KALRN: variants seen among roughly 807,000 people sequenced by gnomAD.
KALRN encodes kalirin RhoGEF kinase.
In KALRN, 70 loss-of-function variants were observed where a neutral mutation model predicts 353.7. The ratio of observed to expected loss-of-function variants is 0.20; its 90% CI spans 0.16 to 0.24. The LOEUF (loss-of-function observed/expected upper bound fraction) is 0.24. KALRN is among the 10% of genes least tolerant of loss of function. The probability of loss-of-function intolerance (pLI) is 1.00; values close to 1 mark genes in which losing one functional copy is unlikely to be tolerated. For synonymous variants in KALRN, 1,391 were observed against 1,434.8 expected (o/e 0.97, Z 0.69); for missense variants, 2,791 against 3,756.7 (o/e 0.74, Z 6.72).
intron 1 of KALRN, among the ~76,000 whole-genome samples, chr3:124,061,662 C>T (rs1307451765): frequency 1.3e-5 from 2 of 152,152 alleles, no homozygotes; most frequent in African/African-American, 4.8e-5. Context: ...TATGTGGCTA[C>T]ATCATTTTAA....
At chr3:124,276,455 C>T (rs1384347787) in intron 5 of KALRN, among the ~76,000 whole-genome samples, 1 of 152,154 alleles carries the variant, frequency 6.6e-6, no homozygotes, top group Non-Finnish European at 1.5e-5. Context: ...CTTATCCTGC[C>T]TGGGGTGACC....
intron 1 of KALRN, among the ~76,000 whole-genome samples, chr3:124,144,437 A>G (rs75370592): frequency 0.015 from 2,249 of 151,704 alleles, 55 homozygotes; most frequent in African/African-American, 0.051. Context: ...GGCAGCTAGC[A>G]TCTCCCCTTC....
intron 10 of KALRN, among the ~76,000 whole-genome samples, chr3:124,367,183 G>GA: frequency 1.6e-5 from 1 of 64,202 alleles, no homozygotes; most frequent in African/African-American, 7.4e-5. Context: ...TGGCCGGGTG[G>GA]GGGTCTGACC....
chr3:124,495,994 T>TATACAC (rs2063762956), intron 32 of KALRN, among the ~76,000 whole-genome samples: 2 of 57,498 alleles, frequency 3.5e-5, no homozygotes, highest in Non-Finnish European at 5.9e-5. Flanking sequence ...TATATATATA[T>TATACAC]ATATATATAT....
chr3:124,449,198 G>A (rs966722701), intron 21 of KALRN, among the ~76,000 whole-genome samples: 3 of 152,150 alleles, frequency 2.0e-5, no homozygotes, highest in Non-Finnish European at 4.4e-5. Flanking sequence ...TTAGCCACAA[G>A]AGAATACATA....
intron 1 of KALRN, among the ~76,000 whole-genome samples, chr3:124,081,127 A>G (rs1354220442): frequency 1.3e-5 from 2 of 152,224 alleles, no homozygotes; most frequent in Non-Finnish European, 2.9e-5. Flanking sequence ...GCAGAAATCC[A>G]GACTCACCTT....
intron 34 of KALRN, among the ~76,000 whole-genome samples, chr3:124,597,012 C>T (rs751453511): frequency 6.6e-6 from 1 of 151,976 alleles, no homozygotes; most frequent in Non-Finnish European, 1.5e-5. Context: ...TGTGCTATGG[C>T]ACTCCAATCT....
chr3:124,556,945 T>A (rs1007535961), intron 33 of KALRN, among the ~76,000 whole-genome samples: 1 of 152,350 alleles, frequency 6.6e-6, no homozygotes, highest in Non-Finnish European at 1.5e-5. Flanking sequence ...TCTTAAAAAA[T>A]TTTTTACTTT....
intron 1 of KALRN, chr3:124,099,298 T>C (rs1428101074): frequency 6.6e-6 from 1 of 152,234 alleles, no homozygotes; most frequent in African/African-American, 2.4e-5. Context: ...CACATATGAG[T>C]GAGAACATGT....
chr3:124,281,235 G>A (rs1011721970), intron 5 of KALRN, among the ~76,000 whole-genome samples: 3 of 152,154 alleles, frequency 2.0e-5, no homozygotes, highest in Admixed American at 1.3e-4. Flanking sequence ...GCATAAGAAT[G>A]TCCTGCTATA....
chr3:124,708,700 T>C (rs1039151742), intron 57 of KALRN, among the ~76,000 whole-genome samples: 13 of 152,040 alleles, frequency 8.6e-5, no homozygotes, highest in African/African-American at 2.9e-4. Flanking sequence ...AAGTGATTGG[T>C]GCAGAAAAAA....
intron 33 of KALRN, among the ~76,000 whole-genome samples, chr3:124,547,863 G>A (rs1419428808): frequency 2.7e-5 from 4 of 150,012 alleles, no homozygotes; most frequent in African/African-American, 7.4e-5. Context: ...TGATACTACC[G>A]ACCATCTCCA....
Position 124,342,150 on chromosome 3 carries a change from CTTTATTTATTTA to C in KALRN, c.1648-4977_1648-4966del, listed in dbSNP as rs6148051. Among the ~76,000 whole-genome samples, 55 of 150,732 alleles carry C rather than the reference CTTTATTTATTTA, an allele frequency of 3.6e-4. 1 individual carries two copies. In the South Asian group the frequency reaches 4.4e-3, roughly 12 times the overall value. On this transcript the variant is annotated intron_variant, in intron 9 of 59. Transcript: ENST00000682506. ...ATTTCATTTAAGTCTGAGGGTATGCCTTTATTTATTTATTTATTTATTTATTTTTGTATAAAT... is the reference window on the plus strand; with the variant it reads ...ATTTCATTTAAGTCTGAGGGTATGCCTTTATTTATTTATTTTTGTATAAAT...
chr3:124,041,363 G>T (rs550749279), intron 1 of KALRN, among the ~76,000 whole-genome samples: 2 of 152,218 alleles, frequency 1.3e-5, no homozygotes, highest in Admixed American at 6.5e-5. Context: ...CTGAAAAGTT[G>T]TACAATACTA....
chr3:124,372,969 T>C (rs975653579), intron 10 of KALRN, among the ~76,000 whole-genome samples: 1 of 151,866 alleles, frequency 6.6e-6, no homozygotes. Flanking sequence ...AACATGTGGC[T>C]GCCAGACATT....
At chr3:124,037,921 G>A (rs898477061) in intron 1 of KALRN, among the ~76,000 whole-genome samples, 4 of 151,352 alleles carry the variant, frequency 2.6e-5, no homozygotes, top group African/African-American at 7.3e-5. Context: ...CATGAAGCAT[G>A]GGGGGGGCGA....
At chr3:124,291,195 A>G (rs4678106) in intron 5 of KALRN, among the ~76,000 whole-genome samples, 10,556 of 152,224 alleles carry the variant, frequency 0.069, 1,050 homozygotes, top group East Asian at 0.47. Flanking sequence ...TATAAACTCC[A>G]TGCCCCATGG....
At chr3:124,493,587 T>C (rs1233116620) in intron 32 of KALRN, among the ~76,000 whole-genome samples, 2 of 151,430 alleles carry the variant, frequency 1.3e-5, no homozygotes, top group African/African-American at 4.9e-5. Flanking sequence ...GAAAAAAAAA[T>C]GGGGTTCTAG....
chr3:124,317,102 C>T (rs886869480), intron 6 of KALRN, among the ~76,000 whole-genome samples: 4 of 152,256 alleles, frequency 2.6e-5, no homozygotes, highest in East Asian at 1.9e-4. Context: ...TCCAAGAGCA[C>T]GTCAAGGGCC....
Sources: gnomAD v4.1 joint callset for allele counts (sites outside exome capture counted in the v4.1 genomes callset) on GRCh38, gnomAD v4.1.1 for gene constraint, MANE v1.5 for transcripts, NCBI Gene and HGNC (gene_info 2026-07-23, HGNC 2026-07-21) for gene names.